Variants in GRIN2C observed in about 807,000 individuals in gnomAD.
The protein encoded by GRIN2C is glutamate receptor ionotropic, NMDA 2C.
GRIN2C carries 64 observed loss-of-function variants against 77.7 expected under a neutral mutation model. That is an observed-to-expected ratio of 0.82 (90% confidence interval 0.67 to 1.01). The LOEUF (loss-of-function observed/expected upper bound fraction) is 1.01. GRIN2C is among the 50% of genes least tolerant of loss of function. GRIN2C has a pLI of 0.00. For missense variants in GRIN2C, 1,549 were observed against 1,486.0 expected, an observed-to-expected ratio of 1.04 and a Z score of -0.70; for synonymous variants, 792 against 643.4, an observed-to-expected ratio of 1.23 and a Z score of -3.49.
chr17:74,854,576 C>T (rs1361033653), intron 2 of GRIN2C, 118 bp downstream of exon 2: 6 of 761,434 alleles, frequency 7.9e-6, no homozygotes, highest in South Asian at 7.0e-5. Flanking sequence ...ACATCATGCC[C>T]TCAGCCCCCA....
chr17:74,848,106 G>A, intron 7 of GRIN2C, 129 bp from the exon 8 acceptor site: 1 of 951,508 alleles, frequency 1.1e-6, no homozygotes, highest in Non-Finnish European at 1.6e-6. Flanking sequence ...ACCCAGCCAA[G>A]GGGGCCTCTG....
At chr17:74,860,303 C>G, upstream of GRIN2C, 1 of 392,172 alleles carries the variant, frequency 2.5e-6, no homozygotes. Flanking sequence ...TCCTGTGGCC[C>G]GGGGTCAGGG....
In GRIN2C at chr17:74,843,187, G is replaced by C; in HGVS notation, c.2950C>G (p.Pro984Ala). The change falls in exon 13 of 13, where the codon CCG becomes GCG. Residue 984 changes from proline (P) to alanine (A), a missense_variant. Transcript: ENST00000293190. ...GAGACGTCGGACAGGGGCGGCCCCG[G>C]CGTCGGGGGGCGGCCCGGGGGCTGC... ...APQPPGRPPT[P>A]GPPLSDVSRV... 2.4e-6 allele frequency: 1 copy of C among 416,774 alleles called. No homozygotes were observed. The allele number at this position is 416,774 out of a possible 1,614,324, so 25.8% of individuals were successfully genotyped here. A position where few individuals can be genotyped will look rare whatever the true frequency, so the allele number is the denominator to read the frequency against.
chr17:74,861,507 C>T (rs1394860664), upstream of GRIN2C: 2 of 151,516 alleles, frequency 1.3e-5, no homozygotes, highest in African/African-American at 4.8e-5. Context: ...GAGCCTCGGC[C>T]CCGGAGGGCT....
intron 7 of GRIN2C, among the ~76,000 whole-genome samples, chr17:74,848,943 G>A (rs1049356942): frequency 2.0e-5 from 3 of 151,736 alleles, no homozygotes; most frequent in African/African-American, 7.3e-5. Flanking sequence ...CTTGAGCCCA[G>A]GAGTTTCCAG....
rs1185506955 is a variant in GRIN2C, at chr17:74,847,496, G to A, written c.1813C>T (p.Leu605=). The A allele has an allele frequency of 1.2e-6, 2 of 1,613,870 alleles. No individual in the cohort carries two copies. Among genetic ancestry groups the A allele is most frequent in the African/African-American group, 2.7e-5 (2 of 74,916 alleles). Residue 605 remains leucine (L), a synonymous_variant, in exon 9 of 13, where the codon CTG becomes TTG. Coordinates refer to ENST00000293190, the MANE Select transcript of GRIN2C (RefSeq NM_000835.6). The surrounding 1 kb of genome is among the most constrained non-coding windows in gnomAD (Gnocchi z 5.2). ...PAFTIGKSVW[L]LWALVFNNSV... is the part of the protein sequence containing the mutation. ...TTGTTGAAGACCAGCGCCCACAGCA[G>A]CCACACGGACTTGCCGATAGTGAAA...
chr17:74,851,999 G>T lies in GRIN2C; in HGVS notation c.998+14C>A. ...CCCCACCTCCCTACCCCTATGCCCCGGGCAGGTGCCCACCTGTAGAAGGCC... is the reference window on the plus strand; with the variant it reads ...CCCCACCTCCCTACCCCTATGCCCCTGGCAGGTGCCCACCTGTAGAAGGCC... On this transcript the variant is annotated intron_variant, in intron 3 of 12. Coordinates refer to ENST00000293190, the MANE Select transcript of GRIN2C (RefSeq NM_000835.6). The T allele has an allele frequency of 6.8e-7, 1 of 1,465,914 alleles. No individual in the cohort carries two copies. The highest frequency in any genetic ancestry group is 1.5e-5 in the South Asian group (1 of 68,206). 90.8% of individuals were successfully genotyped at this position (1,465,914 alleles called of 1,614,324 possible).
rs754625590 is a variant in GRIN2C, at chr17:74,850,369, C to A, written c.1328G>T (p.Ser443Ile). The stretch of plus-strand genomic sequence containing the variant: ...CTTGGTGTAGGGGGCCACGTCCCCG[C>A]TGCTGCAGCCATGCCGCCATGAGAC... ...CRRQSNHTFSSGDVAPYTKLC... is the reference protein window; with the variant it reads ...CRRQSNHTFSIGDVAPYTKLC... Residue 443 changes from serine to isoleucine, a missense_variant and splice_region_variant, in exon 6 of 13, where the codon AGC (serine) becomes ATC (isoleucine). Coordinates refer to ENST00000293190, the MANE Select transcript of GRIN2C (RefSeq NM_000835.6). This position sits in a 1 kb window ranked among gnomAD's most constrained non-coding sequence, Gnocchi z 5.3. 6.2e-7 allele frequency: 1 copy of A among 1,610,594 alleles called. No homozygotes were observed. The highest frequency in any genetic ancestry group is 8.5e-7 in the Non-Finnish European group (1 of 1,179,878).
rs145135788 is a variant in GRIN2C at position 74,851,591 on chromosome 17, G to A, written c.1099C>T (p.Arg367Cys). The change falls in exon 4 of 13, where the codon CGC (arginine) becomes TGC (cysteine). Residue 367 changes from arginine (R) to cysteine (C), a missense_variant. Arg to Cys is a radical substitution (Grantham distance 180). This residue lies in a region of GRIN2C where 717 missense variants were observed against 858.1 expected (regional missense o/e 0.84). Transcript: ENST00000293190. ...TMVVIALNRH[R>C]LWEMVGRWEH... ...CCCCTTCTCACCATCTCCCAGAGGC[G>A]GTGCCGGTTGAGGGCGATCACCACC... 116 of 1,556,996 alleles carry A rather than the reference G, an allele frequency of 7.5e-5. 1 individual carries two copies. The highest frequency in any genetic ancestry group is 1.1e-4 in the South Asian group (9 of 84,654).
chr17:74,853,062 A>C (rs2144605435), intron 2 of GRIN2C: 1 of 155,052 alleles, frequency 6.4e-6, no homozygotes, highest in East Asian at 1.9e-4. Context: ...GAGCACGATG[A>C]GGGTTGAGAG....
In GRIN2C at chr17:74,847,201, G is replaced by C. The variant is rs2037483810; in HGVS notation, c.2001+107C>G. Reference sequence around the variant, plus strand: ...GGCCCTGAAGCTTCTTCCTGCCCCAGCCTCCAGGTCAAATTCCCCAGACTC... The same window carrying C: ...GGCCCTGAAGCTTCTTCCTGCCCCACCCTCCAGGTCAAATTCCCCAGACTC... On this transcript the variant is annotated intron_variant, in intron 9 of 12. Transcript: ENST00000293190. This position sits in a 1 kb window ranked among gnomAD's most constrained non-coding sequence, Gnocchi z 5.2. 1.1e-6 allele frequency: 1 copy of C among 892,520 alleles called. No individual in the cohort carries two copies. Among genetic ancestry groups the C allele is most frequent in the Non-Finnish European group, 1.7e-6 (1 of 572,472 alleles). The allele number at this position is 892,520 out of a possible 1,614,324, so 55.3% of individuals were successfully genotyped here. A position where few individuals can be genotyped will look rare whatever the true frequency, so the allele number is the denominator to read the frequency against.
Position 74,852,266 on chromosome 17 carries a change from C to A in GRIN2C, c.745G>T (p.Gly249Cys). 1 of 1,399,482 alleles carries A rather than the reference C, an allele frequency of 7.1e-7. No individual in the cohort carries two copies. Among genetic ancestry groups the A allele is most frequent in the Non-Finnish European group, 9.2e-7 (1 of 1,082,236 alleles). 86.7% of individuals were successfully genotyped at this position (1,399,482 alleles called of 1,614,324 possible). The change falls in exon 3 of 13, where the codon GGC (glycine) becomes TGC (cysteine). Residue 249 changes from glycine (G) to cysteine (C), a missense_variant. By Grantham distance (159) the Gly-to-Cys change is radical. This residue lies in a region of GRIN2C where 382 missense variants were observed against 360.0 expected (regional missense o/e 1.06). Transcript: ENST00000293190. ...EAAQAGLVGP[G>C]HVWLVPNLAL... ...AGGTTGGGCACCAGCCACACGTGGC[C>A]GGGCCCCACCAGACCGGCCTGCGCC...
In GRIN2C at chr17:74,842,733, C is replaced by T. The variant is rs1231479783; in HGVS notation, c.3404G>A (p.Gly1135Asp). The stretch of plus-strand genomic sequence containing the variant: ...CCAGGCGGGGGCCCCTGCCTGCTCG[C>T]CCTCCTGGCAGGCCTCCCGGTAGAT... ...LPIYREACQE[G>D]EQAGAPAWQH... Residue 1135 changes from glycine to aspartate, a missense_variant, in exon 13 of 13, where the codon GGC (glycine) becomes GAC (aspartate). Physicochemically the swap from Gly to Asp is moderately conservative, Grantham distance 94. Around this residue, in one of 3 missense-constraint regions of GRIN2C, gnomAD observed 450 missense variants for 267.9 expected, o/e 1.68. Transcript: ENST00000293190. The T allele has an allele frequency of 2.8e-6, 2 of 705,664 alleles. No individual in the cohort carries two copies. Among genetic ancestry groups the T allele is most frequent in the South Asian group, 1.5e-5 (1 of 67,316 alleles). The allele number at this position is 705,664 out of a possible 1,614,324, so 43.7% of individuals were successfully genotyped here. A position where few individuals can be genotyped will look rare whatever the true frequency, so the allele number is the denominator to read the frequency against.
In GRIN2C at chr17:74,850,675, G is replaced by A. The variant is rs1012308388; in HGVS notation, c.1206C>T (p.His402=). The A allele has an allele frequency of 1.9e-6, 3 of 1,613,562 alleles. No individual in the cohort carries two copies. Among genetic ancestry groups the A allele is most frequent in the Middle Eastern group, 1.6e-4 (1 of 6,084 alleles). ...GCTCTTCCAGCGTGGCCACCGTCAG[G>A]TGCCGACTGTCCACCACAGGCTGCA... ...ASLQPVVDSR[H]LTVATLEERP... Residue 402 remains histidine, a synonymous_variant, in exon 5 of 13, where the codon CAC becomes CAT. Coordinates refer to ENST00000293190, the MANE Select transcript of GRIN2C (RefSeq NM_000835.6). This position sits in a 1 kb window ranked among gnomAD's most constrained non-coding sequence, Gnocchi z 5.3.
chr17:74,845,992 G>A, intron 11 of GRIN2C, 74 bp downstream of exon 11: 1 of 1,380,358 alleles, frequency 7.2e-7, no homozygotes, highest in Non-Finnish European at 1.0e-6. Context: ...TTGGGAACTT[G>A]AGTGGTGGTG....
rs1390812472 is a variant in GRIN2C, at chr17:74,855,082, G to A, written c.11C>T (p.Ala4Val). The A allele has an allele frequency of 1.9e-6, 3 of 1,586,436 alleles. No homozygotes were observed. Among genetic ancestry groups the A allele is most frequent in the Non-Finnish European group, 2.6e-6 (3 of 1,172,472 alleles). ...GGTGAGCAACAGGGCCGGCCCCAGG[G>A]CCCCACCCATGTCCACCGGAGGGTC... MGG[A>V]LGPALLLTSL... The change falls in exon 2 of 13, where the codon GCC becomes GTC. Residue 4 changes from alanine (A) to valine (V), a missense_variant. Ala to Val is a moderately conservative substitution (Grantham distance 64). Transcript: ENST00000293190.
rs1392197215 is a variant in GRIN2C at position 74,852,543 on chromosome 17, C to T, written c.468G>A (p.Val156=). The change falls in exon 3 of 13, where the codon GTG becomes GTA. Residue 156 remains valine, a synonymous_variant. Coordinates refer to ENST00000293190, the MANE Select transcript of GRIN2C (RefSeq NM_000835.6). ...AGGCGCTCCAGTCGTACTCTTCCAG[C>T]ACCTTGAACAGCACCTGCAGCTGCT... is the stretch of plus-strand genomic sequence containing the variant. ...LEQQLQVLFK[V]LEEYDWSAFA... is the part of the protein sequence containing the mutation. 3.9e-6 allele frequency: 6 copies of T among 1,547,982 alleles called. No individual in the cohort carries two copies. The African/African-American group carries it at 8.5e-5, about 22-fold the overall frequency.
Position 74,850,772 on chromosome 17 carries a change from G to A in GRIN2C, c.1114-5C>T. 6.2e-7 allele frequency: 1 copy of A among 1,608,348 alleles called. No individual in the cohort carries two copies. Among genetic ancestry groups the A allele is most frequent in the Non-Finnish European group, 8.5e-7 (1 of 1,177,444 alleles). On this transcript the variant is annotated splice_region_variant and splice_polypyrimidine_tract_variant and intron_variant, in intron 4 of 12. Coordinates refer to ENST00000293190, the MANE Select transcript of GRIN2C (RefSeq NM_000835.6). This position sits in a 1 kb window ranked among gnomAD's most constrained non-coding sequence, Gnocchi z 5.3. ...GCCATGCTCCCAGCGCCCCACCTGT[G>A]GAGGGTGACAGCCTCAGCCTGGGGC...
chr17:74,847,063 T>C lies in GRIN2C; in HGVS notation c.2002-143A>G. 1 of 885,500 alleles carries C rather than the reference T, an allele frequency of 1.1e-6. No individual in the cohort carries two copies. Among genetic ancestry groups the C allele is most frequent in the Middle Eastern group, 3.5e-4 (1 of 2,860 alleles). 54.9% of individuals were successfully genotyped at this position (885,500 alleles called of 1,614,324 possible). A position where few individuals can be genotyped will look rare whatever the true frequency, so the allele number is the denominator to read the frequency against. ...TCTTAAAGGCTGTCCAGGCCACTCC[T>C]GTGTTTTCCAAATGGAGACTCTGAG... is the stretch of plus-strand genomic sequence containing the variant. On this transcript the variant is annotated intron_variant, in intron 9 of 12. Coordinates refer to ENST00000293190, the MANE Select transcript of GRIN2C (RefSeq NM_000835.6). The surrounding 1 kb of genome is among the most constrained non-coding windows in gnomAD (Gnocchi z 5.2).
Sources: gnomAD v4.1 joint callset for allele counts (sites outside exome capture counted in the v4.1 genomes callset) on GRCh38, gnomAD v4.1.1 for gene constraint, gnomAD v4.1.1 regional missense constraint, Gnocchi (gnomAD v3.1) non-coding constraint, MANE v1.5 for transcripts, NCBI Gene and HGNC (gene_info 2026-07-23, HGNC 2026-07-21) for gene names.